The following BMAL1 variants were observed in gnomAD, a reference collection of about 807,000 sequenced individuals.
BMAL1 encodes basic helix-loop-helix ARNT-like protein 1.
chr11:13,318,241 C>T, the BMAL1 span, among the ~76,000 whole-genome samples: 1 of 152,172 alleles, frequency 6.6e-6, no homozygotes, highest in South Asian at 2.1e-4. Context: ...CCACTAGCAA[C>T]TGTGACCATA....
At chr11:13,316,884 A>G in the BMAL1 span, among the ~76,000 whole-genome samples, 12 of 152,348 alleles carry the variant, frequency 7.9e-5, no homozygotes, top group East Asian at 2.3e-3. Context: ...TTCAAAGGGC[A>G]TTCGGCACAC....
chr11:13,310,864 C>T, the BMAL1 span, among the ~76,000 whole-genome samples: 3 of 152,208 alleles, frequency 2.0e-5, no homozygotes, highest in South Asian at 2.1e-4. Flanking sequence ...ATTTTAGGAA[C>T]ATTCATCTGA....
the BMAL1 span, among the ~76,000 whole-genome samples, chr11:13,279,592 G>T: frequency 4.6e-5 from 7 of 152,054 alleles, no homozygotes; most frequent in East Asian, 5.8e-4. Flanking sequence ...AAAAAAATTC[G>T]CTGGTGTTAT....
chr11:13,354,152 A>G, the BMAL1 span: 1 of 714,416 alleles, frequency 1.4e-6, no homozygotes, highest in Admixed American at 2.8e-5. Context: ...CGGGGGTGTG[A>G]GAGATGCATT....
At chr11:13,284,259 TATATA>T in the BMAL1 span, among the ~76,000 whole-genome samples, 210 of 67,608 alleles carry the variant, frequency 3.1e-3, 22 homozygotes, top group African/African-American at 8.4e-3. Context: ...TATATATATA[TATATA>T]TATTTTTTTT....
the BMAL1 span, among the ~76,000 whole-genome samples, chr11:13,301,370 C>T: frequency 2.0e-5 from 3 of 152,172 alleles, no homozygotes; most frequent in African/African-American, 2.4e-5. Context: ...GGAGAAAGAA[C>T]CCAGTGCACC....
At chr11:13,293,456 G>A in the BMAL1 span, among the ~76,000 whole-genome samples, 1 of 152,242 alleles carries the variant, frequency 6.6e-6, no homozygotes, top group Non-Finnish European at 1.5e-5. Flanking sequence ...AGACCAAAGG[G>A]TGAGGAAGTA....
the BMAL1 span, chr11:13,354,955 T>G: frequency 3.5e-6 from 1 of 283,714 alleles, no homozygotes; most frequent in Non-Finnish European, 6.7e-6. Context: ...TAGTATGAAC[T>G]TGTTATATTA....
chr11:13,329,558 TG>T, the BMAL1 span, among the ~76,000 whole-genome samples: 2 of 152,176 alleles, frequency 1.3e-5, no homozygotes. Context: ...TTTGCTCCAT[TG>T]CTGCTTTGAA....
the BMAL1 span, chr11:13,357,182 T>C: frequency 6.4e-7 from 1 of 1,569,498 alleles, no homozygotes; most frequent in East Asian, 2.3e-5. The surrounding 1 kb of genome is among the most constrained non-coding windows in gnomAD (Gnocchi z 4.8). Context: ...TGTTTGGTCC[T>C]GTCTAAGAGT....
chr11:13,356,480 A>G, the BMAL1 span, among the ~76,000 whole-genome samples: 1 of 152,348 alleles, frequency 6.6e-6, no homozygotes, highest in Non-Finnish European at 1.5e-5. Context: ...AGAATATGGT[A>G]AAATATATGT....
chr11:13,298,829 C>A, the BMAL1 span, among the ~76,000 whole-genome samples: 3 of 152,336 alleles, frequency 2.0e-5, no homozygotes, highest in East Asian at 5.8e-4. Flanking sequence ...TAAGTCACCA[C>A]CACCTGTGCT....
At chr11:13,376,927 G>C in the BMAL1 span, among the ~76,000 whole-genome samples, 1 of 152,142 alleles carries the variant, frequency 6.6e-6, no homozygotes, top group Non-Finnish European at 1.5e-5. Context: ...GGAATACTAG[G>C]AGCTCACTGC....
chr11:13,373,514 C>T, the BMAL1 span, among the ~76,000 whole-genome samples: 1 of 152,152 alleles, frequency 6.6e-6, no homozygotes, highest in Non-Finnish European at 1.5e-5. Flanking sequence ...AATGTGGTTC[C>T]TTTTTTAAAG....
chr11:13,282,854 A>G, the BMAL1 span, among the ~76,000 whole-genome samples: 2 of 152,208 alleles, frequency 1.3e-5, no homozygotes, highest in Non-Finnish European at 2.9e-5. Flanking sequence ...TGTCCAATGC[A>G]CATTGATCTT....
chr11:13,295,541 C>T, the BMAL1 span, among the ~76,000 whole-genome samples: 1 of 151,772 alleles, frequency 6.6e-6, no homozygotes, highest in Non-Finnish European at 1.5e-5. Context: ...TGGAGGAGAC[C>T]CCTTGCGAGG....
At chr11:13,315,991 A>G in the BMAL1 span, among the ~76,000 whole-genome samples, 88 of 152,338 alleles carry the variant, frequency 5.8e-4, 1 homozygote, top group African/African-American at 1.6e-3. Context: ...CTGAGGAAAC[A>G]TCTGTGCCTT....
chr11:13,362,488 A>G, the BMAL1 span, among the ~76,000 whole-genome samples: 1 of 152,146 alleles, frequency 6.6e-6, no homozygotes, highest in African/African-American at 2.4e-5. Context: ...TGTGCCTTTC[A>G]TCCTTGTTTA....
the BMAL1 span, among the ~76,000 whole-genome samples, chr11:13,289,165 A>G: frequency 6.6e-6 from 1 of 152,194 alleles, no homozygotes; most frequent in East Asian, 1.9e-4. Flanking sequence ...TGAGCTAAGG[A>G]AAGAATAGGC....
Sources: allele counts gnomAD v4.1 joint callset (sites outside exome capture counted in the v4.1 genomes callset), GRCh38; gene constraint gnomAD v4.1.1; non-coding constraint Gnocchi (gnomAD v3.1); transcripts MANE v1.5; gene names NCBI Gene and HGNC (gene_info 2026-07-23, HGNC 2026-07-21).